Variants in CHST7 observed in about 807,000 individuals in gnomAD.
CHST7 encodes carbohydrate sulfotransferase 7, also known as N-acetylglucosamine 6-O-sulfotransferase 4.
Under a neutral mutation model 9.0 loss-of-function variants are expected in CHST7, and 5 were observed. The observed-to-expected ratio is 0.56, with a 90% CI of 0.29 to 1.17. The LOEUF is 1.17. Ranked by LOEUF, CHST7 falls within the 50% of genes most tolerant of loss-of-function variation. CHST7 has a pLI of 0.08. For missense variants in CHST7, 377 were observed against 485.1 expected (o/e 0.78, Z 2.09); for synonymous variants, 244 against 237.1 (o/e 1.03, Z -0.27).
chrX:46,582,266 T>C (rs1365764007), intron 1 of CHST7, among the ~76,000 whole-genome samples: 2 of 112,206 alleles, frequency 1.8e-5, no homozygotes, highest in African/African-American at 6.5e-5. Flanking sequence ...CATGTGAGTA[T>C]GTCTGTCAGA....
chrX:46,577,624 G>A (rs1478936263), intron 1 of CHST7, among the ~76,000 whole-genome samples: 1 of 111,102 alleles, frequency 9.0e-6, no homozygotes, highest in African/African-American at 3.3e-5. Context: ...TGAGGAATCC[G>A]AGACTCAGAG....
intron 1 of CHST7, among the ~76,000 whole-genome samples, chrX:46,594,860 T>C (rs183320291): frequency 8.9e-6 from 1 of 112,079 alleles, no homozygotes; most frequent in East Asian, 2.8e-4. Context: ...CAGTCTCTTT[T>C]TCTGGAACTT....
At chrX:46,578,576 A>T (rs866594042) in intron 1 of CHST7, among the ~76,000 whole-genome samples, 13 of 104,244 alleles carry the variant, frequency 1.2e-4, no homozygotes, top group Non-Finnish European at 2.3e-4. Flanking sequence ...ATTAAAAGAA[A>T]TTTTTTTTTT....
At chrX:46,590,435 G>T (rs1033944696) in intron 1 of CHST7, among the ~76,000 whole-genome samples, 1 of 110,060 alleles carries the variant, frequency 9.1e-6, no homozygotes, top group Non-Finnish European at 1.9e-5. Context: ...AAATTAGCTG[G>T]GTGTGCCTGT....
intron 1 of CHST7, among the ~76,000 whole-genome samples, chrX:46,583,054 T>C (rs1222472738): frequency 9.0e-6 from 1 of 110,543 alleles, no homozygotes; most frequent in Non-Finnish European, 1.9e-5. Flanking sequence ...ACAGCTGGTT[T>C]AACATTCTTC....
In CHST7 at chrX:46,575,004, T is replaced by A. The variant is rs1942490261; in HGVS notation, c.1073T>A (p.Phe358Tyr). ...ICEAWLRDLL[F>Y]ARGAPAWLRR... ...GAAGCCTGGCTGCGCGATCTGCTTT[T>A]CGCGCGCGGCGCGCCCGCCTGGCTG... Residue 358 changes from phenylalanine to tyrosine, a missense_variant, in exon 1 of 2, where the codon TTC becomes TAC. By Grantham distance (22) the Phe-to-Tyr change is conservative. This residue lies in a region of CHST7 where 130 missense variants were observed against 134.9 expected (regional missense o/e 0.96). Transcript: ENST00000276055. 8.8e-7 allele frequency: 1 copy of A among 1,135,882 alleles called. No individual in the cohort carries two copies. The highest frequency in any genetic ancestry group is 1.9e-5 in the African/African-American group (1 of 53,198). 93.6% of individuals were successfully genotyped at this position (1,135,882 alleles called of 1,213,427 possible).
chrX:46,576,421 GC>G (rs1942499881), intron 1 of CHST7, among the ~76,000 whole-genome samples: 2 of 111,479 alleles, frequency 1.8e-5, no homozygotes, highest in Admixed American at 1.9e-4. Context: ...AAAAGACACT[GC>G]CCCCTCTTTT....
chrX:46,589,291 G>A (rs1040074740), intron 1 of CHST7, among the ~76,000 whole-genome samples: 4 of 111,571 alleles, frequency 3.6e-5, no homozygotes, highest in African/African-American at 1.3e-4. Flanking sequence ...GCTCACACCT[G>A]TAATTCCCAG....
At chrX:46,592,524 G>A (rs1487635205) in intron 1 of CHST7, among the ~76,000 whole-genome samples, 1 of 111,281 alleles carries the variant, frequency 9.0e-6, no homozygotes, top group African/African-American at 3.3e-5. Flanking sequence ...CACCACACCC[G>A]GCTAATTTTT....
intron 1 of CHST7, among the ~76,000 whole-genome samples, chrX:46,593,957 G>A (rs780295903): frequency 2.0e-4 from 22 of 111,777 alleles, no homozygotes; most frequent in Non-Finnish European, 3.9e-4. Flanking sequence ...CATATATTGA[G>A]AACCACATCA....
chrX:46,576,752 A>T (rs1942501407), intron 1 of CHST7, among the ~76,000 whole-genome samples: 1 of 112,354 alleles, frequency 8.9e-6, no homozygotes. Context: ...CCTGAGATGA[A>T]GCTCTGAGGA....
rs761217456 is a variant in CHST7, at chrX:46,574,916, C to G, written c.985C>G (p.Arg329Gly). The change falls in exon 1 of 2, where the codon CGC (arginine) becomes GGC (glycine). Residue 329 changes from arginine (R) to glycine (G), a missense_variant. Physicochemically the swap from Arg to Gly is moderately radical, Grantham distance 125 (BLOSUM62 -2). Around this residue, in one of 3 missense-constraint regions of CHST7, gnomAD observed 239 missense variants for 325.7 expected, o/e 0.73. Transcript: ENST00000276055. ...GVGARPGGQS[R>G]ALPAAPRADF... ...GGGTGCTCGCCCCGGGGGCCAGTCT[C>G]GCGCGCTGCCCGCCGCGCCGCGCGC... 7 of 1,144,562 alleles carry G rather than the reference C, an allele frequency of 6.1e-6. No individual in the cohort carries two copies. In the East Asian group the frequency reaches 9.9e-5, roughly 16 times the overall value. 94.3% of individuals were successfully genotyped at this position (1,144,562 alleles called of 1,213,427 possible). A position where few individuals can be genotyped will look rare whatever the true frequency, so the allele number is the denominator to read the frequency against.
chrX:46,587,580 T>C (rs376160694), intron 1 of CHST7, among the ~76,000 whole-genome samples: 82 of 112,117 alleles, frequency 7.3e-4, no homozygotes, highest in African/African-American at 2.6e-3. Flanking sequence ...TATCTGGGGG[T>C]GCAGTTATAT....
Position 46,574,088 on chromosome X carries a change from G to C in CHST7, c.157G>C (p.Gly53Arg). Residue 53 changes from glycine to arginine, a missense_variant, in exon 1 of 2, where the codon GGA becomes CGA. Gly to Arg is a moderately radical substitution (Grantham distance 125). Transcript: ENST00000276055. ...CTGCCCCGGCCTGCAGCGCAGCCTG[G>C]GAGTGTGGAGCCTGGAGGCGGCGGC... ...EHCPGLQRSL[G>R]VWSLEAAAAG... The C allele has an allele frequency of 8.6e-7, 1 of 1,169,239 alleles. No individual in the cohort carries two copies. Among genetic ancestry groups the C allele is most frequent in the Non-Finnish European group, 1.1e-6 (1 of 875,613 alleles).
At chrX:46,584,887 T>A (rs1048466201) in intron 1 of CHST7, among the ~76,000 whole-genome samples, 3 of 111,462 alleles carry the variant, frequency 2.7e-5, no homozygotes, top group Non-Finnish European at 3.8e-5. Flanking sequence ...GAAGAAGTCA[T>A]TACATCCAGA....
intron 1 of CHST7, among the ~76,000 whole-genome samples, chrX:46,586,606 T>C (rs1399457840): frequency 1.8e-5 from 2 of 112,226 alleles, no homozygotes; most frequent in Non-Finnish European, 3.8e-5. Context: ...AGTCAGTTCC[T>C]TTATTGGAGT....
chrX:46,595,020 A>G (rs1411038460), intron 1 of CHST7, among the ~76,000 whole-genome samples: 2 of 111,917 alleles, frequency 1.8e-5, no homozygotes, highest in African/African-American at 6.5e-5. Flanking sequence ...TATCATCTCT[A>G]TTCTGCTATT....
Position 46,573,989 on chromosome X carries a change from C to T in CHST7, c.58C>T (p.Leu20=), listed in dbSNP as rs912192592. The change falls in exon 1 of 2, where the codon CTG becomes TTG. Residue 20 remains leucine, a synonymous_variant. Coordinates refer to ENST00000276055, the MANE Select transcript of CHST7 (RefSeq NM_019886.4). ...EYCKFALLLV[L]YTLVLLLVPS... ...CTGCAAGTTCGCGCTGCTGTTGGTG[C>T]TGTACACGCTGGTGCTGTTGCTCGT... 2.6e-6 allele frequency: 3 copies of T among 1,157,694 alleles called. No homozygotes were observed. Among genetic ancestry groups the T allele is most frequent in the Admixed American group, 2.6e-5 (1 of 39,210 alleles).
chrX:46,588,546 A>G (rs2146641001), intron 1 of CHST7, among the ~76,000 whole-genome samples: 1 of 111,606 alleles, frequency 9.0e-6, no homozygotes. Flanking sequence ...TTCAGGCTCC[A>G]TAGACCCAGA....
Sources: allele counts gnomAD v4.1 joint callset (sites outside exome capture counted in the v4.1 genomes callset), GRCh38; gene constraint gnomAD v4.1.1; regional missense constraint gnomAD v4.1.1; transcripts MANE v1.5; gene names NCBI Gene and HGNC (gene_info 2026-07-23, HGNC 2026-07-21).